The following CLSTN2 variants were observed in gnomAD, a reference collection of about 807,000 sequenced individuals.
CLSTN2 encodes calsyntenin 2, also known as calsyntenin-2.
In CLSTN2, 48 loss-of-function variants were observed where a neutral mutation model predicts 101.2. The ratio of observed to expected loss-of-function variants is 0.47; its 90% confidence interval spans 0.38 to 0.60. The LOEUF (loss-of-function observed/expected upper bound fraction) is 0.60. Among genes scored for constraint, CLSTN2 ranks in the 20% least tolerant of loss-of-function variants. CLSTN2 has a pLI of 0.00. For missense variants in CLSTN2, 1,160 were observed against 1,238.2 expected (o/e 0.94, Z 0.95); for synonymous variants, 481 against 463.6 (o/e 1.04, Z -0.48).
intron 8 of CLSTN2, among the ~76,000 whole-genome samples, chr3:140,501,578 A>G (rs1229274618): frequency 1.3e-5 from 2 of 152,332 alleles, no homozygotes; most frequent in East Asian, 3.9e-4. Context: ...AACCATAGAA[A>G]GCAGATTTTC....
At chr3:140,310,896 A>T (rs541579474) in intron 2 of CLSTN2, among the ~76,000 whole-genome samples, 67 of 152,372 alleles carry the variant, frequency 4.4e-4, no homozygotes, top group African/African-American at 1.6e-3. Flanking sequence ...TACCTAGTAC[A>T]AACCAGCCTC....
chr3:140,320,697 C>A (rs1271664061), intron 2 of CLSTN2, among the ~76,000 whole-genome samples: 1 of 151,344 alleles, frequency 6.6e-6, no homozygotes, highest in Non-Finnish European at 1.5e-5. Flanking sequence ...TTGACTCCCC[C>A]TTCCAAAAAA....
chr3:140,309,806 G>A (rs1240326191), intron 2 of CLSTN2, among the ~76,000 whole-genome samples: 1 of 151,972 alleles, frequency 6.6e-6, no homozygotes, highest in African/African-American at 2.4e-5. Context: ...CTGCACCCTG[G>A]TTTAGCACTT....
At chr3:140,346,304 GTTCTTTTGGGTA>G (rs2087545467) in intron 2 of CLSTN2, among the ~76,000 whole-genome samples, 1 of 152,150 alleles carries the variant, frequency 6.6e-6, no homozygotes. Flanking sequence ...GCCCAAACAA[GTTCTTTTGGGTA>G]TTCTCATTTA....
At chr3:140,380,096 G>A (rs995041807) in intron 2 of CLSTN2, among the ~76,000 whole-genome samples, 1 of 152,150 alleles carries the variant, frequency 6.6e-6, no homozygotes, top group African/African-American at 2.4e-5. Context: ...GGAAATTGTT[G>A]GAATAAGAGC....
intron 1 of CLSTN2, among the ~76,000 whole-genome samples, chr3:140,067,987 G>A (rs1016209484): frequency 1.3e-5 from 2 of 152,230 alleles, no homozygotes; most frequent in Non-Finnish European, 2.9e-5. Context: ...CTCATTCCAG[G>A]CTCTGTGCTG....
chr3:140,527,898 T>C (rs898516811), intron 8 of CLSTN2, among the ~76,000 whole-genome samples: 5 of 152,076 alleles, frequency 3.3e-5, no homozygotes, highest in African/African-American at 1.2e-4. Flanking sequence ...ATAGGAATGA[T>C]AGACACTGGG....
rs374754803 is a variant in CLSTN2 at position 140,419,794 on chromosome 3, C to T, written c.638-1331C>T. 1.6e-4 allele frequency among the ~76,000 whole-genome samples: 7 copies of T among 44,246 alleles called. 1 individual carries two copies. The highest frequency in any genetic ancestry group is 1.1e-3 in the Admixed American group (6 of 5,556). 29.0% of individuals were successfully genotyped at this position (44,246 alleles called of 152,430 possible). On this transcript the variant is annotated intron_variant, in intron 4 of 16. Coordinates refer to ENST00000458420, the MANE Select transcript of CLSTN2 (RefSeq NM_022131.3). Reference sequence around the variant, plus strand: ...GTGTATACACGTATATACACGTATACGTGTATATACGTGTATATACGTATA... The same window carrying T: ...GTGTATACACGTATATACACGTATATGTGTATATACGTGTATATACGTATA...
At chr3:140,149,131 C>A (rs2009824191) in intron 1 of CLSTN2, among the ~76,000 whole-genome samples, 1 of 152,148 alleles carries the variant, frequency 6.6e-6, no homozygotes, top group Non-Finnish European at 1.5e-5. Context: ...TTAGAAATGT[C>A]CATTCCTGGC....
At chr3:140,159,195 AGCTTCT>A (rs1182741876) in intron 1 of CLSTN2, among the ~76,000 whole-genome samples, 2 of 152,130 alleles carry the variant, frequency 1.3e-5, no homozygotes, top group Non-Finnish European at 2.9e-5. Context: ...CTAATTAAGG[AGCTTCT>A]GCACAGCAAA....
Position 139,935,437 on chromosome 3 carries a change from C to T in CLSTN2, c.63C>T (p.Ser21=), listed in dbSNP as rs1411057828. ...TGGCGCTGGGCGTGGGGAGCGGCAG[C>T]GGCGGTGGCGGGGACAGCCGGCAGC... ...LLLALGVGSG[S]GGGGDSRQRR... is the part of the protein sequence containing the mutation. The change falls in exon 1 of 17, where the codon AGC becomes AGT. Residue 21 remains serine, a synonymous_variant. Transcript: ENST00000458420. This position sits in a 1 kb window ranked among gnomAD's most constrained non-coding sequence, Gnocchi z 5.5. 8.1e-7 allele frequency: 1 copy of T among 1,231,382 alleles called. No homozygotes were observed. 76.3% of individuals were successfully genotyped at this position (1,231,382 alleles called of 1,614,324 possible).
In CLSTN2 at chr3:140,560,348, T is replaced by C. The variant is rs191087453; in HGVS notation, c.2041+1491T>C. ...CCAAAGACAGGAGATTCCCCCAACA[T>C]GCACACACACACGCCTCCCTCACAC... On this transcript the variant is annotated intron_variant, in intron 12 of 16. Coordinates refer to ENST00000458420, the MANE Select transcript of CLSTN2 (RefSeq NM_022131.3). Among the ~76,000 whole-genome samples the C allele has an allele frequency of 3.7e-4, 57 of 152,264 alleles. No homozygotes were observed. The East Asian group carries it at 0.011, about 29-fold the overall frequency.
Position 140,138,887 on chromosome 3 carries a change from A to G in CLSTN2, c.110-37064A>G, listed in dbSNP as rs550390593. The stretch of plus-strand genomic sequence containing the variant: ...TAAGAGGCAGTGTCGGCATTTTCTC[A>G]CATTCTTTCTCCAAGAAAGGCAGTG... On this transcript the variant is annotated intron_variant, in intron 1 of 16. Transcript: ENST00000458420. Among the ~76,000 whole-genome samples the G allele has an allele frequency of 5.9e-5, 9 of 152,326 alleles. No individual in the cohort carries two copies. In the South Asian group the frequency reaches 1.9e-3, roughly 32 times the overall value.
chr3:140,167,431 T>G lies in CLSTN2; in HGVS notation c.110-8520T>G, dbSNP rs1002035664. On this transcript the variant is annotated intron_variant, in intron 1 of 16. Coordinates refer to ENST00000458420, the MANE Select transcript of CLSTN2 (RefSeq NM_022131.3). ...AGCTTGACTGAGTTAGCACTTCTCTTTTTCCATAGCACTCTGCTCTTCCTC... is the reference window on the plus strand; with the variant it reads ...AGCTTGACTGAGTTAGCACTTCTCTGTTTCCATAGCACTCTGCTCTTCCTC... 2.0e-5 allele frequency among the ~76,000 whole-genome samples: 3 copies of G among 152,310 alleles called. No homozygotes were observed. In the East Asian group the frequency reaches 5.8e-4, roughly 29 times the overall value.
chr3:140,040,284 C>T (rs570832984), intron 1 of CLSTN2, among the ~76,000 whole-genome samples: 7 of 152,236 alleles, frequency 4.6e-5, no homozygotes, highest in South Asian at 2.1e-4. Context: ...CTCTCTAGCT[C>T]CTCTTTGCCA....
At chr3:140,467,907 A>G (rs1933746028) in intron 8 of CLSTN2, among the ~76,000 whole-genome samples, 1 of 152,198 alleles carries the variant, frequency 6.6e-6, no homozygotes, top group Non-Finnish European at 1.5e-5. Flanking sequence ...AGAAGTACAC[A>G]TGTATGTTCT....
At chr3:140,339,937 A>AC (rs1305525944) in intron 2 of CLSTN2, among the ~76,000 whole-genome samples, 1 of 152,210 alleles carries the variant, frequency 6.6e-6, no homozygotes, top group African/African-American at 2.4e-5. Context: ...TGGCTCCACC[A>AC]CACACTAAGT....
chr3:140,553,836 G>T (rs547520768), intron 10 of CLSTN2, among the ~76,000 whole-genome samples: 1 of 152,158 alleles, frequency 6.6e-6, no homozygotes, highest in Non-Finnish European at 1.5e-5. Context: ...TGTAGCCTCC[G>T]CAATGCCCAG....
At chr3:140,488,729 T>C (rs1256839456) in intron 8 of CLSTN2, among the ~76,000 whole-genome samples, 2 of 138,624 alleles carry the variant, frequency 1.4e-5, no homozygotes, top group Non-Finnish European at 3.0e-5. Context: ...CAAACAGAAG[T>C]ATGGCAAACA....
Sources: gnomAD v4.1 joint callset for allele counts (sites outside exome capture counted in the v4.1 genomes callset) on GRCh38, gnomAD v4.1.1 for gene constraint, Gnocchi (gnomAD v3.1) non-coding constraint, MANE v1.5 for transcripts, NCBI Gene and HGNC (gene_info 2026-07-23, HGNC 2026-07-21) for gene names.